SBNO1: variants seen among roughly 807,000 people sequenced by gnomAD.
The protein encoded by SBNO1 is strawberry notch homolog 1.
SBNO1 carries 23 observed loss-of-function variants against 173.6 expected under a neutral mutation model. The ratio of observed to expected loss-of-function variants is 0.13; its 90% CI spans 0.10 to 0.19. The LOEUF (loss-of-function observed/expected upper bound fraction) is 0.19. Ranked by LOEUF, SBNO1 falls within the 10% of genes least tolerant of loss-of-function variation. The pLI, the probability that SBNO1 is intolerant of heterozygous loss-of-function variation, is 1.00. For synonymous variants in SBNO1, 632 were observed against 571.5 expected (o/e 1.11, Z -1.51); for missense variants, 1,238 against 1,671.2 (o/e 0.74, Z 4.52).
chr12:123,352,281 TCATGATGTCCTA>T (rs1181647460), intron 1 of SBNO1, among the ~76,000 whole-genome samples: 1 of 152,224 alleles, frequency 6.6e-6, no homozygotes, highest in Non-Finnish European at 1.5e-5. Context: ...TGTCAGTGTT[TCATGATGTCCTA>T]CAAAAATGGC....
chr12:123,334,320 T>C, intron 6 of SBNO1, 107 bp from the exon 7 acceptor site: 1 of 718,292 alleles, frequency 1.4e-6, no homozygotes. Flanking sequence ...GAAAAATAAT[T>C]AAAAAGTATT....
At chr12:123,314,045 T>C (rs186956837) in intron 23 of SBNO1, among the ~76,000 whole-genome samples, 9 of 152,060 alleles carry the variant, frequency 5.9e-5, no homozygotes, top group Admixed American at 6.6e-5. Context: ...GATGGCGTCA[T>C]TGTGCTCCAG....
At position 123,292,558 on chromosome 12, in the gene SBNO1, C is replaced by G. The variant is rs1240572748; in HGVS notation, c.*3350G>C. On this transcript the variant is annotated 3_prime_UTR_variant, in exon 32 of 32. Transcript: ENST00000602398. Reference sequence around the variant, plus strand: ...CCCATGGAGGCCAGCAAATGAATGCCCCAGGGACTACAGCCAGAAAATTGT... The same window carrying G: ...CCCATGGAGGCCAGCAAATGAATGCGCCAGGGACTACAGCCAGAAAATTGT... 6.6e-6 allele frequency: 1 copy of G among 152,078 alleles called. No individual in the cohort carries two copies. The highest frequency in any genetic ancestry group is 1.5e-5 in the Non-Finnish European group (1 of 68,016). 9.4% of individuals were successfully genotyped at this position (152,078 alleles called of 1,614,324 possible). A position where few individuals can be genotyped will look rare whatever the true frequency, so the allele number is the denominator to read the frequency against.
chr12:123,364,469 C>T, intron 1 of SBNO1: 1 of 983,924 alleles, frequency 1.0e-6, no homozygotes. Context: ...ACAGCGGGGC[C>T]CGGCGCTGAC....
At chr12:123,340,405 AC>A (rs1217243538) in intron 5 of SBNO1, among the ~76,000 whole-genome samples, 1 of 151,762 alleles carries the variant, frequency 6.6e-6, no homozygotes, top group Non-Finnish European at 1.5e-5. Context: ...ACATGGTGAA[AC>A]CCCATTTCTA....
chr12:123,363,911 C>T (rs1188712164), intron 1 of SBNO1: 1 of 985,382 alleles, frequency 1.0e-6, no homozygotes, highest in East Asian at 1.1e-4. Context: ...TCCAAATCTC[C>T]TCAGCGGTTA....
At chr12:123,333,755 C>T (rs904644828) in intron 7 of SBNO1, among the ~76,000 whole-genome samples, 2 of 152,114 alleles carry the variant, frequency 1.3e-5, no homozygotes, top group African/African-American at 2.4e-5. Flanking sequence ...ACCTCAGCCT[C>T]CCAAACTGTT....
intron 4 of SBNO1, among the ~76,000 whole-genome samples, chr12:123,341,584 CA>C (rs1204683883): frequency 2.0e-5 from 3 of 152,066 alleles, no homozygotes. Context: ...TGCGTTGGCG[CA>C]ATCTCAGCTG....
chr12:123,345,830 C>T (rs1264273719), intron 3 of SBNO1, among the ~76,000 whole-genome samples: 2 of 151,990 alleles, frequency 1.3e-5, no homozygotes, highest in Non-Finnish European at 2.9e-5. Flanking sequence ...CCACCATGCC[C>T]GGCAAATTTT....
rs1189324965 is a variant in SBNO1, at chr12:123,293,727, T to TAA, written c.*2180_*2181insTT. The TAA allele has an allele frequency of 6.6e-6, 1 of 152,232 alleles. No individual in the cohort carries two copies. Among genetic ancestry groups the TAA allele is most frequent in the African/African-American group, 2.4e-5 (1 of 41,454 alleles). 9.4% of individuals were successfully genotyped at this position (152,232 alleles called of 1,614,324 possible). A position where few individuals can be genotyped will look rare whatever the true frequency, so the allele number is the denominator to read the frequency against. On this transcript the variant is annotated 3_prime_UTR_variant, in exon 32 of 32. Coordinates refer to ENST00000602398, the MANE Select transcript of SBNO1 (RefSeq NM_001167856.3). ...TAGGCCATGGGGGTTGTCACTTAGC[T>TAA]GCATGCTAAGAATCCTCATATGCTG...
intron 28 of SBNO1, among the ~76,000 whole-genome samples, chr12:123,306,215 GAT>G (rs1447221395): frequency 5.9e-5 from 9 of 152,050 alleles, no homozygotes; most frequent in African/African-American, 2.2e-4. Context: ...ATACTTAGAG[GAT>G]AGTGTTTAAG....
chr12:123,313,179 C>T (rs936437599), intron 24 of SBNO1, among the ~76,000 whole-genome samples: 26 of 147,324 alleles, frequency 1.8e-4, no homozygotes, highest in Admixed American at 4.1e-4. Flanking sequence ...TCCAGCCTGG[C>T]GACAGAGCAA....
At chr12:123,361,188 G>A (rs987276062) in intron 1 of SBNO1, among the ~76,000 whole-genome samples, 1 of 152,140 alleles carries the variant, frequency 6.6e-6, no homozygotes, top group Non-Finnish European at 1.5e-5. Context: ...AGGTTGCAGT[G>A]AGCAGAGATC....
rs769293201 is a variant in SBNO1, at chr12:123,309,260, C to T, written c.3630+50G>A. 1.2e-5 allele frequency: 15 copies of T among 1,299,314 alleles called. No individual in the cohort carries two copies. The South Asian group carries it at 1.8e-4, about 16-fold the overall frequency. The allele number at this position is 1,299,314 out of a possible 1,614,324, so 80.5% of individuals were successfully genotyped here. A position where few individuals can be genotyped will look rare whatever the true frequency, so the allele number is the denominator to read the frequency against. ...AGTGAAGAGACAATTACAATGCTGG[C>T]CATTAAAAAGTATTATATATCTGAA... On this transcript the variant is annotated intron_variant, in intron 28 of 31. Transcript: ENST00000602398.
At chr12:123,334,448 C>T (rs1271927238) in intron 6 of SBNO1, among the ~76,000 whole-genome samples, 1 of 152,226 alleles carries the variant, frequency 6.6e-6, no homozygotes, top group African/African-American at 2.4e-5. Context: ...TGGCTCACGC[C>T]TGTAATCCCA....
intron 16 of SBNO1, among the ~76,000 whole-genome samples, chr12:123,322,876 T>C (rs1476966491): frequency 6.8e-6 from 1 of 147,700 alleles, no homozygotes; most frequent in Non-Finnish European, 1.5e-5. Flanking sequence ...ACGGAGACCC[T>C]GTCTCAAAAA....
intron 17 of SBNO1, 22 bp downstream of exon 17, chr12:123,321,513 A>G (rs1214515426): frequency 1.3e-6 from 2 of 1,509,412 alleles, no homozygotes; most frequent in Admixed American, 1.7e-5. Flanking sequence ...GCTTTCGTGT[A>G]TATTTAATAT....
At chr12:123,346,456 A>T (rs1180629031) in intron 3 of SBNO1, among the ~76,000 whole-genome samples, 1 of 151,028 alleles carries the variant, frequency 6.6e-6, no homozygotes, top group African/African-American at 2.4e-5. Context: ...CGAGGTCAGG[A>T]GATCGAGACC....
chr12:123,356,038 C>T (rs1874423887), intron 1 of SBNO1, among the ~76,000 whole-genome samples: 1 of 152,202 alleles, frequency 6.6e-6, no homozygotes. Flanking sequence ...TAAAACCAAT[C>T]TCTACAGCTC....
Sources: gnomAD v4.1 joint callset for allele counts (sites outside exome capture counted in the v4.1 genomes callset) on GRCh38, gnomAD v4.1.1 for gene constraint, MANE v1.5 for transcripts, NCBI Gene and HGNC (gene_info 2026-07-23, HGNC 2026-07-21) for gene names.